TANC1: variants seen among roughly 807,000 people sequenced by gnomAD.
The protein encoded by TANC1 is tetratricopeptide repeat, ankyrin repeat and coiled-coil containing 1, also known as protein TANC1.
TANC1 carries 77 observed loss-of-function variants against 149.7 expected under a neutral mutation model. That is an observed-to-expected ratio of 0.51 (90% CI 0.43 to 0.62). TANC1 has a LOEUF of 0.62. Ranked by LOEUF, TANC1 falls within the 20% of genes least tolerant of loss-of-function variation. The pLI is 0.00. For missense variants in TANC1, 1,985 were observed against 2,321.8 expected (o/e 0.85, Z 2.98); for synonymous variants, 854 against 925.0 (o/e 0.92, Z 1.39).
intron 19 of TANC1, among the ~76,000 whole-genome samples, chr2:159,216,502 C>T (rs2059355445): frequency 6.6e-6 from 1 of 152,156 alleles, no homozygotes; most frequent in African/African-American, 2.4e-5. Flanking sequence ...TCTGCCACCT[C>T]CTCCGTCCTC....
At chr2:159,174,911 T>G (rs1379156930) in intron 11 of TANC1, 42 bp from the exon 12 acceptor site, 9 of 1,485,214 alleles carry the variant, frequency 6.1e-6, no homozygotes, top group Non-Finnish European at 1.9e-6. Context: ...AGGAGCTGTG[T>G]GAAGAGGGTG....
chr2:159,175,114 A>T lies in TANC1; in HGVS notation c.1665A>T (p.Arg555=). The T allele has an allele frequency of 6.2e-7, 1 of 1,614,188 alleles. No individual in the cohort carries two copies. Among genetic ancestry groups the T allele is most frequent in the South Asian group, 1.1e-5 (1 of 91,084 alleles). ...AACTACAGAGCATGCTGAGCCTCCG[A>T]TCCTGTGTGCAGGACCCGGTGGCAG... The part of the protein sequence containing the change: ...EPQLQSMLSL[R]SCVQDPVAAF... Residue 555 remains arginine (R), a synonymous_variant, in exon 12 of 27, where the codon CGA becomes CGT. Coordinates refer to ENST00000263635, the MANE Select transcript of TANC1 (RefSeq NM_033394.3).
intron 1 of TANC1, among the ~76,000 whole-genome samples, chr2:158,973,717 G>T (rs1466568975): frequency 6.6e-6 from 1 of 152,190 alleles, no homozygotes; most frequent in Non-Finnish European, 1.5e-5. Context: ...GAGCTAGCCA[G>T]GGCAGTGTAC....
At chr2:159,065,758 A>C (rs1396667495) in intron 2 of TANC1, 138 bp from the exon 3 acceptor site, 1 of 597,346 alleles carries the variant, frequency 1.7e-6, no homozygotes, top group Non-Finnish European at 3.0e-6. Context: ...ATTCAAAGAA[A>C]ATTAATGTAA....
intron 1 of TANC1, among the ~76,000 whole-genome samples, chr2:158,998,610 T>C (rs1309426354): frequency 1.3e-5 from 2 of 152,132 alleles, no homozygotes; most frequent in Non-Finnish European, 2.9e-5. Flanking sequence ...CACAGATGTG[T>C]GTGATTGGGT....
At chr2:159,187,976 A>G (rs1335923699) in intron 16 of TANC1, among the ~76,000 whole-genome samples, 1 of 152,254 alleles carries the variant, frequency 6.6e-6, no homozygotes, top group Non-Finnish European at 1.5e-5. Context: ...ACTGCATAAT[A>G]GTGTAATGAG....
chr2:159,110,376 GTCC>G (rs1416398440), intron 4 of TANC1, among the ~76,000 whole-genome samples: 1 of 152,248 alleles, frequency 6.6e-6, no homozygotes, highest in Non-Finnish European at 1.5e-5. Context: ...AGTAGGCACT[GTCC>G]TCAGACACTG....
chr2:159,213,739 G>C (rs1241464768), intron 19 of TANC1, among the ~76,000 whole-genome samples: 1 of 152,126 alleles, frequency 6.6e-6, no homozygotes, highest in African/African-American at 2.4e-5. Context: ...TATCTGACTA[G>C]AAAGATGACA....
In TANC1 at chr2:159,059,912, GT is replaced by G. The variant is rs1219047546; in HGVS notation, c.-15-5983del. ...TTTGTGTGTGTGTGTGTGTGTGTGT[GT>G]GTGTGTGTGTGTGTGTGGTTTTTTG... On this transcript the variant is annotated intron_variant, in intron 2 of 26. Coordinates refer to ENST00000263635, the MANE Select transcript of TANC1 (RefSeq NM_033394.3). Among the ~76,000 whole-genome samples the G allele has an allele frequency of 2.9e-4, 43 of 147,364 alleles. 1 individual carries two copies. The highest frequency in any genetic ancestry group is 6.2e-4 in the Admixed American group (9 of 14,630).
intron 2 of TANC1, chr2:159,060,107 A>G: frequency 1.0e-6 from 1 of 977,890 alleles, no homozygotes; most frequent in African/African-American, 1.7e-5. Flanking sequence ...CATGACTGTT[A>G]GTTACGTGAG....
At chr2:159,030,551 T>G (rs926401731) in intron 2 of TANC1, among the ~76,000 whole-genome samples, 68 of 152,324 alleles carry the variant, frequency 4.5e-4, no homozygotes, top group African/African-American at 1.6e-3. Flanking sequence ...TCTCTGATTC[T>G]CCTCTATTCA....
intron 4 of TANC1, among the ~76,000 whole-genome samples, chr2:159,129,497 A>G (rs2049851349): frequency 6.6e-6 from 1 of 152,132 alleles, no homozygotes; most frequent in South Asian, 2.1e-4. Context: ...GGTTCTGGCC[A>G]CATCCTTCCA....
chr2:159,149,551 G>A (rs937219356), intron 6 of TANC1: 7 of 413,238 alleles, frequency 1.7e-5, no homozygotes, highest in Non-Finnish European at 2.3e-5. Flanking sequence ...CTAAAAGAAT[G>A]CCTTCATAAT....
chr2:159,029,829 A>C (rs1044757956), intron 2 of TANC1, among the ~76,000 whole-genome samples: 1 of 152,138 alleles, frequency 6.6e-6, no homozygotes, highest in Admixed American at 6.6e-5. Context: ...CCAAGTAGCT[A>C]GGTCTACACG....
At chr2:159,140,827 A>G (rs1477833967) in intron 5 of TANC1, among the ~76,000 whole-genome samples, 1 of 150,734 alleles carries the variant, frequency 6.6e-6, no homozygotes, top group African/African-American at 2.4e-5. Flanking sequence ...AGTAGCTGGG[A>G]TTACAGGCAC....
chr2:159,133,341 T>C (rs2050298410), intron 4 of TANC1, among the ~76,000 whole-genome samples: 1 of 139,968 alleles, frequency 7.1e-6, no homozygotes, highest in Non-Finnish European at 1.5e-5. Context: ...TTTGTTCTGG[T>C]TCCTTTTTTT....
intron 22 of TANC1, among the ~76,000 whole-genome samples, chr2:159,222,165 A>G (rs2059747045): frequency 6.6e-6 from 1 of 152,250 alleles, no homozygotes; most frequent in African/African-American, 2.4e-5. Flanking sequence ...CTTATTTTTC[A>G]GCTACCTTCC....
At position 159,219,587 on chromosome 2, in the gene TANC1, A is replaced by G. The variant is rs763539013; in HGVS notation, c.3503-105A>G. The G allele has an allele frequency of 3.5e-6, 5 of 1,437,136 alleles. No homozygotes were observed. The Admixed American group carries it at 5.1e-5, about 15-fold the overall frequency. The allele number at this position is 1,437,136 out of a possible 1,614,324, so 89.0% of individuals were successfully genotyped here. ...CCAGTGTCACCCTTCACAGTGCTTG[A>G]CTGACACTTGGTTCAGGCCGGGTGT... On this transcript the variant is annotated intron_variant, in intron 21 of 26. Coordinates refer to ENST00000263635, the MANE Select transcript of TANC1 (RefSeq NM_033394.3).
At chr2:159,004,685 C>T (rs902896544) in intron 2 of TANC1, among the ~76,000 whole-genome samples, 2 of 151,894 alleles carry the variant, frequency 1.3e-5, no homozygotes, top group Admixed American at 1.3e-4. Flanking sequence ...ATTTATCCTC[C>T]TCCCTCCCCA....
Sources: gnomAD v4.1 joint callset for allele counts (sites outside exome capture counted in the v4.1 genomes callset) on GRCh38, gnomAD v4.1.1 for gene constraint, MANE v1.5 for transcripts, NCBI Gene and HGNC (gene_info 2026-07-23, HGNC 2026-07-21) for gene names.